Variants in KRR1 observed in about 807,000 individuals in gnomAD.
KRR1 encodes the protein KRR1 small subunit processome component homolog.
Under a neutral mutation model 50.0 loss-of-function variants are expected in KRR1, and 23 were observed. The observed-to-expected ratio is 0.46, with a 90% CI of 0.33 to 0.65. The LOEUF (loss-of-function observed/expected upper bound fraction) is 0.65, where lower values mean the gene tolerates loss of function less well. KRR1 is among the 30% of genes least tolerant of loss of function. The pLI is 0.02. For synonymous variants in KRR1, 133 were observed against 146.3 expected, an observed-to-expected ratio of 0.91 and a Z score of 0.66; for missense variants, 419 against 442.4, an observed-to-expected ratio of 0.95 and a Z score of 0.47.
rs545734323 is a variant in KRR1 at position 75,497,453 on chromosome 12, T to G, written c.*2356A>C. ...TTACTTCAGATAAGTGCTCAACATC[T>G]TACAGATTGATCTTGTCACTAATTT... On this transcript the variant is annotated 3_prime_UTR_variant, in exon 10 of 10. Coordinates refer to ENST00000229214, the MANE Select transcript of KRR1 (RefSeq NM_007043.7). 1 of 152,334 alleles carries G rather than the reference T, an allele frequency of 6.6e-6. No homozygotes were observed. The highest frequency in any genetic ancestry group is 2.1e-4 in the South Asian group (1 of 4,830). 9.4% of individuals were successfully genotyped at this position (152,334 alleles called of 1,614,324 possible). A position where few individuals can be genotyped will look rare whatever the true frequency, so the allele number is the denominator to read the frequency against.
intron 2 of KRR1, among the ~76,000 whole-genome samples, chr12:75,507,657 C>A (rs1250671335): frequency 6.6e-6 from 1 of 152,096 alleles, no homozygotes; most frequent in Admixed American, 6.5e-5. Context: ...AGAGCAGTCC[C>A]ACAGTTAGAA....
rs1271233133 is a variant in KRR1 at position 75,496,360 on chromosome 12, A to C, written c.*3449T>G. The C allele has an allele frequency of 6.6e-6, 1 of 151,976 alleles. No homozygotes were observed. The highest frequency in any genetic ancestry group is 2.4e-5 in the African/African-American group (1 of 41,414). The allele number at this position is 151,976 out of a possible 1,614,324, so 9.4% of individuals were successfully genotyped here. On this transcript the variant is annotated 3_prime_UTR_variant, in exon 10 of 10. Coordinates refer to ENST00000229214, the MANE Select transcript of KRR1 (RefSeq NM_007043.7). ...ACACAGTGAGGGTCTATCTCCAAAAAATGAAAATAAAATAAAGCTGCAACA... is the reference window on the plus strand; with the variant it reads ...ACACAGTGAGGGTCTATCTCCAAAACATGAAAATAAAATAAAGCTGCAACA...
chr12:75,499,597 T>C lies in KRR1; in HGVS notation c.*212A>G. 3.4e-6 allele frequency: 1 copy of C among 292,770 alleles called. No homozygotes were observed. Among genetic ancestry groups the C allele is most frequent in the Admixed American group, 5.2e-5 (1 of 19,102 alleles). The allele number at this position is 292,770 out of a possible 1,614,324, so 18.1% of individuals were successfully genotyped here. On this transcript the variant is annotated 3_prime_UTR_variant, in exon 10 of 10. Coordinates refer to ENST00000229214, the MANE Select transcript of KRR1 (RefSeq NM_007043.7). ...ATGGATAATCACAATGGTCGTAATGTATACAAAGACTTATATACCACTTTC... is the reference window on the plus strand; with the variant it reads ...ATGGATAATCACAATGGTCGTAATGCATACAAAGACTTATATACCACTTTC...
chr12:75,508,520 T>A lies in KRR1; in HGVS notation c.86-74A>T, dbSNP rs1236284233. 4 of 1,111,470 alleles carry A rather than the reference T, an allele frequency of 3.6e-6. No individual in the cohort carries two copies. The East Asian group carries it at 1.0e-4, about 28-fold the overall frequency. The allele number at this position is 1,111,470 out of a possible 1,614,324, so 68.9% of individuals were successfully genotyped here. On this transcript the variant is annotated intron_variant, in intron 1 of 9. Transcript: ENST00000229214. ...CATACACATCACATTTTAACTGTCT[T>A]TTGGACACTTTATGAACATCCTATG...
In KRR1 at chr12:75,500,686, G is replaced by A. The variant is rs983384248; in HGVS notation, c.1004-735C>T. On this transcript the variant is annotated intron_variant, in intron 9 of 9. Coordinates refer to ENST00000229214, the MANE Select transcript of KRR1 (RefSeq NM_007043.7). ...CAAAAGTGTGAACAAAATAGAGAAA[G>A]GAAGCAGTGAAAAAGAATGCAACTT... is the stretch of plus-strand genomic sequence containing the variant. The A allele has an allele frequency of 3.9e-5, 6 of 151,982 alleles. No homozygotes were observed. The South Asian group carries it at 6.2e-4, about 16-fold the overall frequency. 9.4% of individuals were successfully genotyped at this position (151,982 alleles called of 1,614,324 possible). A position where few individuals can be genotyped will look rare whatever the true frequency, so the allele number is the denominator to read the frequency against.
intron 9 of KRR1, 105 bp from the exon 10 acceptor site, chr12:75,500,056 G>A: frequency 2.4e-6 from 2 of 819,226 alleles, no homozygotes; most frequent in East Asian, 3.1e-5. Context: ...GTTAACTTCA[G>A]AGTATTCTTA....
intron 6 of KRR1, among the ~76,000 whole-genome samples, chr12:75,504,555 T>G (rs1444994699): frequency 6.6e-6 from 1 of 152,066 alleles, no homozygotes; most frequent in African/African-American, 2.4e-5. Context: ...ATCAGACACA[T>G]AGTTTTGTTT....
rs747996513 is a variant in KRR1, at chr12:75,498,655, C to T, written c.*1154G>A. On this transcript the variant is annotated 3_prime_UTR_variant, in exon 10 of 10. Coordinates refer to ENST00000229214, the MANE Select transcript of KRR1 (RefSeq NM_007043.7). ...AAATAAAACTCTCAACTGTGTCTACCCTTTTAATTTTTTTTCTTTCTTCCC... is the reference window on the plus strand; with the variant it reads ...AAATAAAACTCTCAACTGTGTCTACTCTTTTAATTTTTTTTCTTTCTTCCC... 1 of 1,554,598 alleles carries T rather than the reference C, an allele frequency of 6.4e-7. No individual in the cohort carries two copies. The highest frequency in any genetic ancestry group is 8.9e-7 in the Non-Finnish European group (1 of 1,126,664).
chr12:75,502,857 T>C (rs2046404095), intron 7 of KRR1: 1 of 152,054 alleles, frequency 6.6e-6, no homozygotes. Flanking sequence ...GTTTAATGAC[T>C]GCATCACTCC....
Position 75,495,961 on chromosome 12 carries a change from A to AT in KRR1, c.*3847dup. Reference sequence around the variant, plus strand: ...TATTTCAGCAAGATCAAAAATAAGTATAACAGGTCATCCAAACAAACAGAA... The same window carrying AT: ...TATTTCAGCAAGATCAAAAATAAGTATTAACAGGTCATCCAAACAAACAGAA... On this transcript the variant is annotated 3_prime_UTR_variant, in exon 10 of 10. Coordinates refer to ENST00000229214, the MANE Select transcript of KRR1 (RefSeq NM_007043.7). The AT allele has an allele frequency of 4.7e-6, 1 of 211,400 alleles. No individual in the cohort carries two copies. Among genetic ancestry groups the AT allele is most frequent in the African/African-American group, 2.3e-5 (1 of 43,106 alleles). 13.1% of individuals were successfully genotyped at this position (211,400 alleles called of 1,614,324 possible). A position where few individuals can be genotyped will look rare whatever the true frequency, so the allele number is the denominator to read the frequency against.
chr12:75,509,754 G>A (rs1254806877), intron 1 of KRR1, among the ~76,000 whole-genome samples: 2 of 150,634 alleles, frequency 1.3e-5, no homozygotes, highest in African/African-American at 4.9e-5. Context: ...CATCATGTCC[G>A]GCTAATTTTT....
Position 75,497,078 on chromosome 12 carries a change from G to A in KRR1, c.*2731C>T, listed in dbSNP as rs558476684. ...CTTCCAAATTAACCAGTATACATAAGGGCTAAAACTATGGATTTCAGAACC... is the reference window on the plus strand; with the variant it reads ...CTTCCAAATTAACCAGTATACATAAAGGCTAAAACTATGGATTTCAGAACC... On this transcript the variant is annotated 3_prime_UTR_variant, in exon 10 of 10. Transcript: ENST00000229214. 1.3e-5 allele frequency: 2 copies of A among 152,074 alleles called. No homozygotes were observed. Among genetic ancestry groups the A allele is most frequent in the Non-Finnish European group, 2.9e-5 (2 of 68,004 alleles). 9.4% of individuals were successfully genotyped at this position (152,074 alleles called of 1,614,324 possible). A position where few individuals can be genotyped will look rare whatever the true frequency, so the allele number is the denominator to read the frequency against.
Position 75,502,152 on chromosome 12 carries a change from C to T in KRR1, c.832-152G>A. On this transcript the variant is annotated intron_variant, in intron 7 of 9. Transcript: ENST00000229214. ...TGACATAAAGGAAACAGAGTCTAAG[C>T]TGAGGGGAATACATACACAAAAGTG... is the stretch of plus-strand genomic sequence containing the variant. The T allele has an allele frequency of 7.8e-6, 5 of 637,348 alleles. No homozygotes were observed. The South Asian group carries it at 9.6e-5, about 12-fold the overall frequency. 39.5% of individuals were successfully genotyped at this position (637,348 alleles called of 1,614,324 possible). A position where few individuals can be genotyped will look rare whatever the true frequency, so the allele number is the denominator to read the frequency against.
Position 75,493,079 on chromosome 12 carries a change from C to T in KRR1, c.*6730G>A, listed in dbSNP as rs2046332250. On this transcript the variant is annotated 3_prime_UTR_variant, in exon 10 of 10. Coordinates refer to ENST00000229214, the MANE Select transcript of KRR1 (RefSeq NM_007043.7). ...TTTAAACCACAGAGACTGGTGCCCT[C>T]GGTCTGCTAAACAGATGAAACGGGG... 6.6e-6 allele frequency: 1 copy of T among 152,126 alleles called. No homozygotes were observed. The highest frequency in any genetic ancestry group is 1.5e-5 in the Non-Finnish European group (1 of 68,030). The allele number at this position is 152,126 out of a possible 1,614,324, so 9.4% of individuals were successfully genotyped here.
At position 75,499,743 on chromosome 12, in the gene KRR1, C is replaced by T. The variant is rs1425228499; in HGVS notation, c.*66G>A. On this transcript the variant is annotated 3_prime_UTR_variant, in exon 10 of 10. Coordinates refer to ENST00000229214, the MANE Select transcript of KRR1 (RefSeq NM_007043.7). ...AGAAAATTTCTCACAAATAAGGCAACTAATGCCTGATATCTCAAAATCCTT... is the reference window on the plus strand; with the variant it reads ...AGAAAATTTCTCACAAATAAGGCAATTAATGCCTGATATCTCAAAATCCTT... The T allele has an allele frequency of 1.6e-6, 2 of 1,251,330 alleles. No homozygotes were observed. Among genetic ancestry groups the T allele is most frequent in the Non-Finnish European group, 2.2e-6 (2 of 923,446 alleles). The allele number at this position is 1,251,330 out of a possible 1,614,324, so 77.5% of individuals were successfully genotyped here. A position where few individuals can be genotyped will look rare whatever the true frequency, so the allele number is the denominator to read the frequency against.
chr12:75,503,130 G>C (rs185650451), intron 7 of KRR1: 1 of 152,224 alleles, frequency 6.6e-6, no homozygotes, highest in East Asian at 1.9e-4. Flanking sequence ...AGAACACATA[G>C]AAGAGGCTGA....
In KRR1 at chr12:75,499,738, G is replaced by A. The variant is rs2046377848; in HGVS notation, c.*71C>T. The A allele has an allele frequency of 6.7e-6, 8 of 1,196,074 alleles. No individual in the cohort carries two copies. The East Asian group carries it at 8.0e-5, about 12-fold the overall frequency. The allele number at this position is 1,196,074 out of a possible 1,614,324, so 74.1% of individuals were successfully genotyped here. ...CCCTCAGAAAATTTCTCACAAATAAGGCAACTAATGCCTGATATCTCAAAA... is the reference window on the plus strand; with the variant it reads ...CCCTCAGAAAATTTCTCACAAATAAAGCAACTAATGCCTGATATCTCAAAA... On this transcript the variant is annotated 3_prime_UTR_variant, in exon 10 of 10. Transcript: ENST00000229214.
rs1318042510 is a variant in KRR1, at chr12:75,495,244, G to C, written c.*4565C>G. ...AGCACAGCCCTGGAGTTAAATCCAG[G>C]TTTCCTCTGACTCTGAAGTGTATAA... On this transcript the variant is annotated 3_prime_UTR_variant, in exon 10 of 10. Transcript: ENST00000229214. 5.7e-6 allele frequency: 1 copy of C among 174,764 alleles called. No individual in the cohort carries two copies. The highest frequency in any genetic ancestry group is 2.4e-5 in the African/African-American group (1 of 42,248). 10.8% of individuals were successfully genotyped at this position (174,764 alleles called of 1,614,324 possible).
At chr12:75,505,302 C>T in intron 5 of KRR1, 48 bp from the exon 6 acceptor site, 1 of 1,535,472 alleles carries the variant, frequency 6.5e-7, no homozygotes, top group Non-Finnish European at 8.8e-7. Flanking sequence ...TTTTAATGAG[C>T]TATGGAGAAG....
Sources: gnomAD v4.1 joint callset for allele counts (sites outside exome capture counted in the v4.1 genomes callset) on GRCh38, gnomAD v4.1.1 for gene constraint, MANE v1.5 for transcripts, NCBI Gene and HGNC (gene_info 2026-07-23, HGNC 2026-07-21) for gene names.